DAAM2: variants seen among roughly 807,000 people sequenced by gnomAD.
The protein encoded by DAAM2 is disheveled-associated activator of morphogenesis 2.
DAAM2 carries 39 observed loss-of-function variants against 120.7 expected under a neutral mutation model. The ratio of observed to expected loss-of-function variants is 0.32; its 90% confidence interval spans 0.25 to 0.42. The LOEUF is 0.42. Ranked by LOEUF, DAAM2 falls within the 10% of genes least tolerant of loss-of-function variation. The pLI, the probability that DAAM2 is intolerant of heterozygous loss-of-function variation, is 1.00. For synonymous variants in DAAM2, 488 were observed against 524.9 expected, an observed-to-expected ratio of 0.93 and a Z score of 0.96; for missense variants, 1,283 against 1,401.7, an observed-to-expected ratio of 0.92 and a Z score of 1.35.
chr6:39,882,977 AG>A (rs1392792542), intron 14 of DAAM2, among the ~76,000 whole-genome samples: 2 of 151,958 alleles, frequency 1.3e-5, no homozygotes, highest in African/African-American at 2.4e-5. Flanking sequence ...AGTCTTTCTG[AG>A]GGGGGTTGTA....
At chr6:39,857,169 A>G (rs1764042524) in intron 2 of DAAM2, among the ~76,000 whole-genome samples, 1 of 152,172 alleles carries the variant, frequency 6.6e-6, no homozygotes, top group Non-Finnish European at 1.5e-5. Flanking sequence ...AAGAAGCATG[A>G]TTCCTTCTCT....
chr6:39,860,915 A>G lies in DAAM2; in HGVS notation c.169-13A>G. On this transcript the variant is annotated splice_polypyrimidine_tract_variant and intron_variant, in intron 2 of 24. Coordinates refer to ENST00000274867, the MANE Select transcript of DAAM2 (RefSeq NM_001201427.2). ...CCTAGTGTCAGACGTATTTTTTCTT[A>G]TTGTCTTTGCAGGATGAATTGGATC... The G allele has an allele frequency of 3.7e-6, 6 of 1,607,530 alleles. No homozygotes were observed. The highest frequency in any genetic ancestry group is 5.1e-6 in the Non-Finnish European group (6 of 1,176,100).
At chr6:39,854,980 G>A (rs538094240) in intron 1 of DAAM2, among the ~76,000 whole-genome samples, 1 of 152,300 alleles carries the variant, frequency 6.6e-6, no homozygotes, top group South Asian at 2.1e-4. Flanking sequence ...TGACCACAGA[G>A]GCATTCTAAT....
intron 1 of DAAM2, among the ~76,000 whole-genome samples, chr6:39,837,724 A>G (rs1035264599): frequency 1.3e-5 from 2 of 150,910 alleles, no homozygotes; most frequent in Non-Finnish European, 2.9e-5. Flanking sequence ...TTTGACCTTT[A>G]TCAGGGGCTT....
At chr6:39,888,960 C>A in intron 17 of DAAM2, 197 bp downstream of exon 17, 1 of 367,920 alleles carries the variant, frequency 2.7e-6, no homozygotes, top group Non-Finnish European at 4.9e-6. Flanking sequence ...CTCCAGGAGT[C>A]ATTCTCCCAT....
At chr6:39,794,807 T>A (rs1056019336) in intron 1 of DAAM2, among the ~76,000 whole-genome samples, 1 of 152,190 alleles carries the variant, frequency 6.6e-6, no homozygotes, top group Non-Finnish European at 1.5e-5. Context: ...GCTTTCTTAT[T>A]TGATTTTACT....
At chr6:39,860,330 C>A (rs145323305) in intron 2 of DAAM2, among the ~76,000 whole-genome samples, 9 of 152,312 alleles carry the variant, frequency 5.9e-5, no homozygotes, top group African/African-American at 1.9e-4. Context: ...CAATGCCTCC[C>A]GGGGCATGGC....
At chr6:39,796,500 G>C (rs77298778) in intron 1 of DAAM2, among the ~76,000 whole-genome samples, 1 of 151,708 alleles carries the variant, frequency 6.6e-6, no homozygotes, top group African/African-American at 2.4e-5. Context: ...AAGATGCTGT[G>C]GGGGGAGGAA....
intron 1 of DAAM2, among the ~76,000 whole-genome samples, chr6:39,845,466 C>T (rs1763548444): frequency 9.0e-6 from 1 of 111,000 alleles, no homozygotes; most frequent in African/African-American, 3.3e-5. Context: ...ATATATGTAC[C>T]ACACCACATA....
intron 1 of DAAM2, among the ~76,000 whole-genome samples, chr6:39,839,325 C>T (rs753478817): frequency 5.3e-5 from 8 of 152,204 alleles, no homozygotes; most frequent in Non-Finnish European, 1.0e-4. Context: ...GGTCTTCCCC[C>T]CAGATCTGTT....
chr6:39,871,501 T>C lies in DAAM2; in HGVS notation c.978-5T>C. ...CTACTCTCTCTGTCTCCCCATTCTGTCTAGACATTTAGACTTCTTCGAGAT... is the reference window on the plus strand; with the variant it reads ...CTACTCTCTCTGTCTCCCCATTCTGCCTAGACATTTAGACTTCTTCGAGAT... On this transcript the variant is annotated splice_region_variant and splice_polypyrimidine_tract_variant and intron_variant, in intron 8 of 24. Coordinates refer to ENST00000274867, the MANE Select transcript of DAAM2 (RefSeq NM_001201427.2). 6.4e-7 allele frequency: 1 copy of C among 1,551,034 alleles called. No homozygotes were observed. Among genetic ancestry groups the C allele is most frequent in the African/African-American group, 1.4e-5 (1 of 73,160 alleles).
At position 39,901,905 on chromosome 6, in the gene DAAM2, C is replaced by T; in HGVS notation, c.3075C>T (p.Asp1025=). The part of the protein sequence containing the change: ...SSLEEGGEFD[D]LVSALRSGEV... ...TGGAGGAGGGAGGAGAGTTCGATGA[C>T]CTGGTGTCGGCCCTGCGCTCTGGGG... is the stretch of plus-strand genomic sequence containing the variant. The change falls in exon 25 of 25, where the codon GAC becomes GAT. Residue 1025 remains aspartate, a synonymous_variant. Coordinates refer to ENST00000274867, the MANE Select transcript of DAAM2 (RefSeq NM_001201427.2). This position sits in a 1 kb window ranked among gnomAD's most constrained non-coding sequence, Gnocchi z 4.5. 2 of 1,606,588 alleles carry T rather than the reference C, an allele frequency of 1.2e-6. No homozygotes were observed.
chr6:39,845,028 AC>A (rs963626034), intron 1 of DAAM2, among the ~76,000 whole-genome samples: 7 of 142,134 alleles, frequency 4.9e-5, no homozygotes, highest in African/African-American at 1.8e-4. Flanking sequence ...CCACACATAT[AC>A]ATACACCACA....
intron 4 of DAAM2, 114 bp from the exon 5 acceptor site, chr6:39,864,866 A>G: frequency 7.5e-7 from 1 of 1,340,578 alleles, no homozygotes; most frequent in Non-Finnish European, 1.0e-6. Context: ...GTCTCAGTAA[A>G]CCATTCCCTG....
intron 1 of DAAM2, among the ~76,000 whole-genome samples, chr6:39,806,766 T>C (rs1209919714): frequency 6.7e-6 from 1 of 149,836 alleles, no homozygotes; most frequent in Admixed American, 6.7e-5. Context: ...AAAAGATGCT[T>C]AACCTGACTT....
At chr6:39,817,639 C>T (rs1348665760) in intron 1 of DAAM2, among the ~76,000 whole-genome samples, 1 of 152,134 alleles carries the variant, frequency 6.6e-6, no homozygotes, top group Non-Finnish European at 1.5e-5. Context: ...GGAATGGGCT[C>T]CCATGGTTGT....
rs1027404379 is a variant in DAAM2 at position 39,871,570 on chromosome 6, A to G, written c.1042A>G (p.Met348Val). The G allele has an allele frequency of 1.5e-5, 24 of 1,550,200 alleles. No individual in the cohort carries two copies. In the Admixed American group the frequency reaches 3.7e-4, roughly 24 times the overall value. Reference sequence around the variant, plus strand: ...CCTGGAGCTAGCCAGGAGGTTTGACATGGTGAGGAGCCAGCAGGGTGGAGC... The same window carrying G: ...CCTGGAGCTAGCCAGGAGGTTTGACGTGGTGAGGAGCCAGCAGGGTGGAGC... ...DDLELARRFD[M>V]VHIDTKSASQ... Residue 348 changes from methionine to valine, a missense_variant and splice_region_variant, in exon 9 of 25, where the codon ATG (methionine) becomes GTG (valine). Around this residue, in one of 3 missense-constraint regions of DAAM2, gnomAD observed 338 missense variants for 443.9 expected, o/e 0.76. Transcript: ENST00000274867.
intron 1 of DAAM2, among the ~76,000 whole-genome samples, chr6:39,852,980 T>C (rs766258193): frequency 1.3e-5 from 2 of 152,148 alleles, no homozygotes; most frequent in Non-Finnish European, 2.9e-5. Context: ...AACTAAGCTA[T>C]AGAGATTGAT....
intron 1 of DAAM2, among the ~76,000 whole-genome samples, chr6:39,837,650 C>G (rs9369144): frequency 0.12 from 12,445 of 108,058 alleles, 1,292 homozygotes; most frequent in East Asian, 0.36. Flanking sequence ...GCAACAAGAG[C>G]GAAACTCCAT....
Sources: gnomAD v4.1 joint callset for allele counts (sites outside exome capture counted in the v4.1 genomes callset) on GRCh38, gnomAD v4.1.1 for gene constraint, gnomAD v4.1.1 regional missense constraint, Gnocchi (gnomAD v3.1) non-coding constraint, MANE v1.5 for transcripts, NCBI Gene and HGNC (gene_info 2026-07-23, HGNC 2026-07-21) for gene names.